Variants in CELF2 observed in about 807,000 individuals in gnomAD.
CELF2 encodes CUGBP Elav-like family member 2.
A neutral mutation model predicts 62.6 loss-of-function variants in CELF2; 8 were observed. The ratio of observed to expected loss-of-function variants is 0.13; its 90% CI spans 0.07 to 0.23. CELF2 has a LOEUF of 0.23. Ranked by LOEUF, CELF2 falls within the 10% of genes least tolerant of loss-of-function variation. The pLI, the probability that CELF2 is intolerant of heterozygous loss-of-function variation, is 1.00. For missense variants in CELF2, 333 were observed against 671.0 expected (o/e 0.50, Z 5.56); for synonymous variants, 258 against 250.0 (o/e 1.03, Z -0.30).
In CELF2 at chr10:11,178,497, A is replaced by G. The variant is rs924715907; in HGVS notation, c.271+12815A>G. ...GGGAAAGGTAATGAATAAATTAAAG[A>G]CACACTTTTGTAATCGTATATTTTA... On this transcript the variant is annotated intron_variant, in intron 2 of 12. Coordinates refer to ENST00000633077, the MANE Select transcript of CELF2 (RefSeq NM_001326342.2). This position sits in a 1 kb window ranked among gnomAD's most constrained non-coding sequence, Gnocchi z 4.3. 6.6e-6 allele frequency among the ~76,000 whole-genome samples: 1 copy of G among 152,224 alleles called. No homozygotes were observed. The highest frequency in any genetic ancestry group is 1.5e-5 in the Non-Finnish European group (1 of 68,036).
At chr10:10,895,000 G>A (rs1355628079) in intron 1 of CELF2, among the ~76,000 whole-genome samples, 2 of 152,148 alleles carry the variant, frequency 1.3e-5, no homozygotes, top group African/African-American at 4.8e-5. Context: ...AAATGTGCTA[G>A]CTACTATATG....
At chr10:10,880,679 T>C (rs1245035203) in intron 1 of CELF2, among the ~76,000 whole-genome samples, 3 of 152,150 alleles carry the variant, frequency 2.0e-5, no homozygotes, top group Non-Finnish European at 2.9e-5. Flanking sequence ...ACCAAGCAAC[T>C]AGGCCAAAGC....
intron 8 of CELF2, among the ~76,000 whole-genome samples, chr10:11,279,808 T>C (rs2087633600): frequency 6.6e-6 from 1 of 152,170 alleles, no homozygotes; most frequent in African/African-American, 2.4e-5. Context: ...AATTTCTTCG[T>C]TTTGAGAAGG....
chr10:10,785,730 G>A, the CELF2 span, among the ~76,000 whole-genome samples: 1 of 152,130 alleles, frequency 6.6e-6, no homozygotes, highest in African/African-American at 2.4e-5. Context: ...TGGGAGGGAT[G>A]GGGGAAGAAA....
At chr10:10,534,452 AG>A in the CELF2 span, among the ~76,000 whole-genome samples, 1 of 152,220 alleles carries the variant, frequency 6.6e-6, no homozygotes, top group Non-Finnish European at 1.5e-5. Context: ...CGAGGAACCT[AG>A]GAGGAATAAG....
chr10:10,931,743 T>C lies in CELF2; in HGVS notation c.89+11744T>C, dbSNP rs572753161. ...TGAAACCTTAAAATGAATCTCTTGA[T>C]AATAGCAATGCATTAGTCTTTTCTC... is the stretch of plus-strand genomic sequence containing the variant. On this transcript the variant is annotated intron_variant, in intron 2 of 13. Coordinates refer to the CELF2 transcript ENST00000636488. This position sits in a 1 kb window ranked among gnomAD's most constrained non-coding sequence, Gnocchi z 6.1. Among the ~76,000 whole-genome samples the C allele has an allele frequency of 8.9e-4, 135 of 152,334 alleles. No homozygotes were observed. Among genetic ancestry groups the C allele is most frequent in the African/African-American group, 3.1e-3 (129 of 41,584 alleles).
chr10:11,322,270 G>T (rs2095482010), intron 11 of CELF2, among the ~76,000 whole-genome samples: 1 of 152,196 alleles, frequency 6.6e-6, no homozygotes. Flanking sequence ...CTTGGTCTTT[G>T]TTTAATTGGG....
At chr10:11,114,242 A>G (rs989143578) in intron 1 of CELF2, among the ~76,000 whole-genome samples, 7 of 152,254 alleles carry the variant, frequency 4.6e-5, no homozygotes, top group African/African-American at 1.4e-4. Context: ...TGAAATGAGT[A>G]ATGATCAAAA....
At chr10:11,194,061 A>G (rs1027932288) in intron 2 of CELF2, among the ~76,000 whole-genome samples, 2 of 152,044 alleles carry the variant, frequency 1.3e-5, no homozygotes, top group South Asian at 4.2e-4. Flanking sequence ...CTTTTTAAAA[A>G]TTTTTTATTT....
chr10:11,288,837 C>T (rs1565793846), intron 9 of CELF2, among the ~76,000 whole-genome samples: 1 of 152,222 alleles, frequency 6.6e-6, no homozygotes, highest in Non-Finnish European at 1.5e-5. Flanking sequence ...CCATTCAACA[C>T]TAGTTAAGTT....
At chr10:10,521,103 C>T in the CELF2 span, among the ~76,000 whole-genome samples, 1 of 152,164 alleles carries the variant, frequency 6.6e-6, no homozygotes, top group Admixed American at 6.5e-5. Context: ...CAAGAGGAAA[C>T]AGAAGGTGGC....
At chr10:11,087,223 A>T (rs992266072) in intron 1 of CELF2, among the ~76,000 whole-genome samples, 1 of 152,222 alleles carries the variant, frequency 6.6e-6, no homozygotes, top group Non-Finnish European at 1.5e-5. Context: ...AATGCTCTTC[A>T]TATACCGGCT....
chr10:10,646,996 G>C, the CELF2 span, among the ~76,000 whole-genome samples: 1 of 152,136 alleles, frequency 6.6e-6, no homozygotes, highest in Non-Finnish European at 1.5e-5. Flanking sequence ...ATGATGAACT[G>C]AAGGATACAT....
chr10:10,508,604 T>C, the CELF2 span, among the ~76,000 whole-genome samples: 1 of 152,230 alleles, frequency 6.6e-6, no homozygotes, highest in East Asian at 1.9e-4. Context: ...ACTGGTTGTG[T>C]GTATGTCTTA....
Position 11,309,751 on chromosome 10 carries a change from C to A in CELF2, c.977-4388C>A, listed in dbSNP as rs1208102350. Among the ~76,000 whole-genome samples the A allele has an allele frequency of 1.3e-5, 2 of 152,218 alleles. No individual in the cohort carries two copies. The highest frequency in any genetic ancestry group is 4.8e-5 in the African/African-American group (2 of 41,454). On this transcript the variant is annotated intron_variant, in intron 9 of 12. Coordinates refer to ENST00000633077, the MANE Select transcript of CELF2 (RefSeq NM_001326342.2). The surrounding 1 kb of genome is among the most constrained non-coding windows in gnomAD (Gnocchi z 5.6). ...TTCCCTGCCCTCTCTGCTAAGCTTT[C>A]AGCTGGTCTACTTTGCCATCATGGA...
chr10:10,670,140 G>T, the CELF2 span, among the ~76,000 whole-genome samples: 2 of 152,134 alleles, frequency 1.3e-5, no homozygotes, highest in Non-Finnish European at 2.9e-5. Flanking sequence ...GACCTCAGGT[G>T]ATCGGGCCAC....
chr10:11,249,323 C>T, intron 4 of CELF2, 122 bp downstream of exon 4: 1 of 748,156 alleles, frequency 1.3e-6, no homozygotes, highest in Non-Finnish European at 2.3e-6. Flanking sequence ...GAGCGCTGCT[C>T]CTGGAATCTT....
At chr10:10,820,284 G>A (rs551314501) in intron 1 of CELF2, among the ~76,000 whole-genome samples, 2 of 152,106 alleles carry the variant, frequency 1.3e-5, no homozygotes, top group African/African-American at 2.4e-5. Context: ...CTTTTCTGTG[G>A]GTATCCTGTA....
At chr10:10,571,640 G>T in the CELF2 span, among the ~76,000 whole-genome samples, 14,538 of 152,162 alleles carry the variant, frequency 0.096, 803 homozygotes, top group Non-Finnish European at 0.13. Context: ...AAAAATGACT[G>T]GGAGGGTACA....
Sources: allele counts gnomAD v4.1 joint callset (sites outside exome capture counted in the v4.1 genomes callset), GRCh38; gene constraint gnomAD v4.1.1; non-coding constraint Gnocchi (gnomAD v3.1); transcripts MANE v1.5; gene names NCBI Gene and HGNC (gene_info 2026-07-23, HGNC 2026-07-21).